The following PTPRD variants were observed in gnomAD, a reference collection of about 807,000 sequenced individuals.
PTPRD encodes receptor-type tyrosine-protein phosphatase delta.
Under a neutral mutation model 214.5 loss-of-function variants are expected in PTPRD, and 34 were observed. The ratio of observed to expected loss-of-function variants is 0.16; its 90% CI spans 0.12 to 0.21. The LOEUF is 0.21. Ranked by LOEUF, PTPRD falls within the 10% of genes least tolerant of loss-of-function variation. PTPRD has a pLI of 1.00. For synonymous variants in PTPRD, 1,128 were observed against 845.7 expected (o/e 1.33, Z -5.79); for missense variants, 2,545 against 2,398.7 (o/e 1.06, Z -1.27).
At chr9:10,256,732 G>C (rs980756600) in intron 3 of PTPRD, among the ~76,000 whole-genome samples, 2 of 152,092 alleles carry the variant, frequency 1.3e-5, no homozygotes, top group Admixed American at 1.3e-4. Context: ...AATTTTATCT[G>C]TTCTACCTGC....
intron 2 of PTPRD, among the ~76,000 whole-genome samples, chr9:10,432,478 C>T (rs1487746717): frequency 6.6e-6 from 1 of 151,646 alleles, no homozygotes; most frequent in Non-Finnish European, 1.5e-5. Flanking sequence ...AAATTCTCAA[C>T]TAATTTATCC....
At chr9:9,860,785 AG>A (rs1427167964) in intron 5 of PTPRD, among the ~76,000 whole-genome samples, 4 of 152,192 alleles carry the variant, frequency 2.6e-5, no homozygotes, top group Non-Finnish European at 5.9e-5. Flanking sequence ...TCTTGTGTCT[AG>A]TGGTATCCCT....
intron 9 of PTPRD, among the ~76,000 whole-genome samples, chr9:9,312,708 C>T (rs921975172): frequency 6.6e-6 from 1 of 152,090 alleles, no homozygotes; most frequent in East Asian, 1.9e-4. Context: ...TGGCCAACCT[C>T]TACCTAAACT....
At chr9:10,102,990 C>T (rs1338499096) in intron 3 of PTPRD, among the ~76,000 whole-genome samples, 3 of 151,546 alleles carry the variant, frequency 2.0e-5, no homozygotes, top group South Asian at 2.1e-4. Flanking sequence ...CACTTTATGC[C>T]GACTTCAGGA....
intron 3 of PTPRD, among the ~76,000 whole-genome samples, chr9:10,242,446 G>T (rs766419255): frequency 5.3e-5 from 8 of 151,808 alleles, no homozygotes; most frequent in African/African-American, 9.7e-5. Flanking sequence ...TCTCATAATA[G>T]ATTTGGATAC....
chr9:8,756,696 T>TA (rs1212816801), intron 11 of PTPRD, among the ~76,000 whole-genome samples: 2 of 152,108 alleles, frequency 1.3e-5, no homozygotes, highest in Non-Finnish European at 2.9e-5. Context: ...TGAAAGGAGG[T>TA]AAAAATCCCC....
chr9:8,705,058 A>G (rs1034071142), intron 12 of PTPRD, among the ~76,000 whole-genome samples: 1 of 152,218 alleles, frequency 6.6e-6, no homozygotes, highest in Non-Finnish European at 1.5e-5. Context: ...ACACACTTCT[A>G]TCTGAGCCTC....
At chr9:9,639,592 T>G (rs1036519436) in intron 7 of PTPRD, among the ~76,000 whole-genome samples, 5 of 152,208 alleles carry the variant, frequency 3.3e-5, no homozygotes, top group Admixed American at 1.3e-4. Context: ...TTTCTCTCAT[T>G]CTATAAAGAT....
intron 9 of PTPRD, among the ~76,000 whole-genome samples, chr9:9,229,724 T>G (rs1201417710): frequency 6.6e-6 from 1 of 152,104 alleles, no homozygotes; most frequent in Non-Finnish European, 1.5e-5. Context: ...GAACTAGTAT[T>G]GTCTTAACTG....
intron 3 of PTPRD, among the ~76,000 whole-genome samples, chr9:10,185,085 T>TA (rs944783561): frequency 2.0e-5 from 3 of 152,018 alleles, no homozygotes; most frequent in Admixed American, 6.6e-5. Context: ...AATATATATT[T>TA]AAAAAAAATC....
chr9:9,195,078 G>A (rs972964860), intron 9 of PTPRD, among the ~76,000 whole-genome samples: 3 of 102,848 alleles, frequency 2.9e-5, no homozygotes, highest in Non-Finnish European at 6.1e-5. Flanking sequence ...ACATATGTGT[G>A]TGTTTGTGTA....
chr9:9,310,498 A>G (rs1366139994), intron 9 of PTPRD, among the ~76,000 whole-genome samples: 1 of 152,190 alleles, frequency 6.6e-6, no homozygotes, highest in Non-Finnish European at 1.5e-5. Flanking sequence ...CTTTAAAAGA[A>G]ATCAACAAAC....
chr9:8,822,796 G>A (rs1435482384), intron 11 of PTPRD, among the ~76,000 whole-genome samples: 5 of 152,052 alleles, frequency 3.3e-5, no homozygotes, highest in Non-Finnish European at 5.9e-5. Flanking sequence ...ATCCAATTCT[G>A]TTAAACTTCA....
chr9:10,313,019 A>G (rs1212228731), intron 3 of PTPRD, among the ~76,000 whole-genome samples: 2 of 151,942 alleles, frequency 1.3e-5, no homozygotes, highest in East Asian at 1.9e-4. Context: ...AACCAGACAC[A>G]ACCTTGATTA....
At chr9:8,697,583 C>G (rs905140294) in intron 12 of PTPRD, among the ~76,000 whole-genome samples, 2 of 151,588 alleles carry the variant, frequency 1.3e-5, no homozygotes, top group Admixed American at 6.6e-5. Context: ...CCACCACACC[C>G]GGCTAATTTT....
chr9:9,944,455 C>G (rs986402589), intron 4 of PTPRD, among the ~76,000 whole-genome samples: 2 of 151,804 alleles, frequency 1.3e-5, no homozygotes, highest in African/African-American at 4.8e-5. Flanking sequence ...CCATATGAAG[C>G]TTTAATTATA....
Position 8,314,871 on chromosome 9 carries a change from G to C in PTPRD, c.*3003C>G. ...AGTGCATAGTACAAAGGTATAGAAAGTGCAAAGTTCCCTAGAGGCCCTTCC... is the reference window on the plus strand; with the variant it reads ...AGTGCATAGTACAAAGGTATAGAAACTGCAAAGTTCCCTAGAGGCCCTTCC... On this transcript the variant is annotated 3_prime_UTR_variant, in exon 46 of 46. Coordinates refer to ENST00000381196, the MANE Select transcript of PTPRD (RefSeq NM_002839.4). 4.3e-6 allele frequency: 1 copy of C among 232,480 alleles called. No homozygotes were observed. The highest frequency in any genetic ancestry group is 8.5e-6 in the Non-Finnish European group (1 of 117,276). The allele number at this position is 232,480 out of a possible 1,614,324, so 14.4% of individuals were successfully genotyped here.
chr9:10,329,573 A>C (rs961583615), intron 3 of PTPRD, among the ~76,000 whole-genome samples: 5 of 151,794 alleles, frequency 3.3e-5, no homozygotes, highest in African/African-American at 1.2e-4. Context: ...GAAACAACTT[A>C]ATCAGTACAT....
chr9:10,493,424 G>C (rs2041015740), intron 2 of PTPRD, among the ~76,000 whole-genome samples: 2 of 152,074 alleles, frequency 1.3e-5, no homozygotes, highest in South Asian at 4.1e-4. Context: ...GAACAGAACA[G>C]AGGCCTCAGA....
Sources: gnomAD v4.1 joint callset for allele counts (sites outside exome capture counted in the v4.1 genomes callset) on GRCh38, gnomAD v4.1.1 for gene constraint, MANE v1.5 for transcripts, NCBI Gene and HGNC (gene_info 2026-07-23, HGNC 2026-07-21) for gene names.